The following MLXIPL variants were observed in gnomAD, a reference collection of about 807,000 sequenced individuals.
MLXIPL encodes carbohydrate-responsive element-binding protein.
MLXIPL carries 49 observed loss-of-function variants against 81.5 expected under a neutral mutation model. The ratio of observed to expected loss-of-function variants is 0.60; its 90% CI spans 0.48 to 0.76. The LOEUF is 0.76. Among genes scored for constraint, MLXIPL ranks in the 30% least tolerant of loss-of-function variants. MLXIPL has a pLI of 0.00. For missense variants in MLXIPL, 1,053 were observed against 1,167.0 expected, an observed-to-expected ratio of 0.90 and a Z score of 1.42; for synonymous variants, 466 against 485.5, an observed-to-expected ratio of 0.96 and a Z score of 0.53.
chr7:73,621,087 TAAG>T (rs1796318602), intron 1 of MLXIPL, among the ~76,000 whole-genome samples: 2 of 147,080 alleles, frequency 1.4e-5, no homozygotes, highest in South Asian at 2.1e-4. Flanking sequence ...AAATAAATAA[TAAG>T]AAGGAGAAGA....
At chr7:73,634,689 C>T in the MLXIPL span, among the ~76,000 whole-genome samples, 2 of 151,976 alleles carry the variant, frequency 1.3e-5, no homozygotes, top group African/African-American at 4.8e-5. Flanking sequence ...GCCACTGTGC[C>T]TGGCCAATAA....
chr7:73,635,676 C>T, the MLXIPL span, among the ~76,000 whole-genome samples: 1 of 151,512 alleles, frequency 6.6e-6, no homozygotes, highest in Non-Finnish European at 1.5e-5. Context: ...TCCATCCATC[C>T]ATCATCCATC....
chr7:73,607,209 G>T, intron 4 of MLXIPL, 122 bp downstream of exon 4: 1 of 1,262,498 alleles, frequency 7.9e-7, no homozygotes, highest in Non-Finnish European at 1.1e-6. Flanking sequence ...GGACTGAATG[G>T]AGGGCCCGAG....
At chr7:73,642,638 G>A in the MLXIPL span, among the ~76,000 whole-genome samples, 1 of 152,178 alleles carries the variant, frequency 6.6e-6, no homozygotes, top group Non-Finnish European at 1.5e-5. Flanking sequence ...TTACAGGCGT[G>A]AGCCACCATG....
At chr7:73,633,703 C>T in the MLXIPL span, among the ~76,000 whole-genome samples, 1 of 152,284 alleles carries the variant, frequency 6.6e-6, no homozygotes, top group Admixed American at 6.5e-5. Flanking sequence ...ATCCTCCTGC[C>T]TCAGCCTCCC....
chr7:73,618,901 C>G (rs1285598196), intron 1 of MLXIPL, among the ~76,000 whole-genome samples: 1 of 152,116 alleles, frequency 6.6e-6, no homozygotes, highest in Non-Finnish European at 1.5e-5. Context: ...AAGGTTATGA[C>G]GTTCATGGCC....
the MLXIPL span, among the ~76,000 whole-genome samples, chr7:73,632,743 TTTCCTTCCTTCC>T: frequency 0.015 from 2,073 of 133,920 alleles, 11 homozygotes; most frequent in Non-Finnish European, 0.018. Context: ...TCCTTCCTTC[TTTCCTTCCTTCC>T]TTCCTTCCTT....
the MLXIPL span, among the ~76,000 whole-genome samples, chr7:73,632,709 G>C: frequency 6.6e-6 from 1 of 151,870 alleles, no homozygotes; most frequent in Non-Finnish European, 1.5e-5. Flanking sequence ...CCTGTGGGAA[G>C]GAAAGTCTTC....
At chr7:73,642,663 A>T in the MLXIPL span, among the ~76,000 whole-genome samples, 42,100 of 151,232 alleles carry the variant, frequency 0.28, 6,012 homozygotes, top group African/African-American at 0.32. Flanking sequence ...GCCCTTTTTT[A>T]AATTTATTTA....
At chr7:73,643,536 A>G in the MLXIPL span, among the ~76,000 whole-genome samples, 2 of 151,252 alleles carry the variant, frequency 1.3e-5, no homozygotes, top group African/African-American at 4.8e-5. Context: ...AAAAAGAAAG[A>G]TTAGGACAGT....
chr7:73,596,888 GGGTGCTGGATACAAGT>G lies in MLXIPL; in HGVS notation c.1632_1647del (p.Leu545SerfsTer77). The G allele has an allele frequency of 6.2e-7, 1 of 1,611,414 alleles. No individual in the cohort carries two copies. Among genetic ancestry groups the G allele is most frequent in the East Asian group, 2.2e-5 (1 of 44,858 alleles). On this transcript the variant is annotated frameshift_variant, in exon 10 of 17. Transcript: ENST00000313375. LOFTEE classifies it high-confidence loss of function. This position sits in a 1 kb window ranked among gnomAD's most constrained non-coding sequence, Gnocchi z 4.7. ...ACCGGGGACCCTGGGGACCGGAGGA[GGGTGCTGGATACAAGT>G]GGTGGCTCCAGGGCTTGCTCCGGCT...
the MLXIPL span, among the ~76,000 whole-genome samples, chr7:73,642,589 C>A: frequency 6.6e-6 from 1 of 152,212 alleles, no homozygotes. Context: ...CTCCTGATCT[C>A]AGATGATCCA....
At chr7:73,628,918 C>T (rs1796794122), upstream of MLXIPL, among the ~76,000 whole-genome samples, 1 of 152,212 alleles carries the variant, frequency 6.6e-6, no homozygotes, top group African/African-American at 2.4e-5. Flanking sequence ...TCTTGGTCCT[C>T]AGGGCTCTTC....
At chr7:73,625,943 A>G (rs1162457335), upstream of MLXIPL, among the ~76,000 whole-genome samples, 2 of 152,114 alleles carry the variant, frequency 1.3e-5, no homozygotes, top group Non-Finnish European at 2.9e-5. Flanking sequence ...CCCTTCTCTC[A>G]CTGACACTGA....
chr7:73,594,227 C>G (rs1554592838), intron 16 of MLXIPL, 47 bp downstream of exon 16: 1 of 1,608,068 alleles, frequency 6.2e-7, no homozygotes. Context: ...GCTCCCTCCA[C>G]CCCCGAGGCT....
chr7:73,647,172 T>C, the MLXIPL span, among the ~76,000 whole-genome samples: 1 of 152,134 alleles, frequency 6.6e-6, no homozygotes, highest in South Asian at 2.1e-4. Context: ...AGCCCTGGCT[T>C]TCCCCCCTGG....
chr7:73,607,074 TC>T, intron 4 of MLXIPL, 56 bp from the exon 5 acceptor site: 1 of 1,592,174 alleles, frequency 6.3e-7, no homozygotes, highest in Non-Finnish European at 8.6e-7. Context: ...TCCATCACTT[TC>T]CCCCCAAAGT....
At chr7:73,594,238 G>A in intron 16 of MLXIPL, 36 bp downstream of exon 16, 2 of 1,609,798 alleles carry the variant, frequency 1.2e-6, no homozygotes, top group Non-Finnish European at 1.7e-6. Context: ...CCCCGAGGCT[G>A]GGTCCCTCTA....
At chr7:73,595,560 C>T in intron 15 of MLXIPL, 77 bp downstream of exon 15, 1 of 1,613,016 alleles carries the variant, frequency 6.2e-7, no homozygotes, top group Non-Finnish European at 8.5e-7. Context: ...AGAGCTAGGC[C>T]TCCATCCCAG....
Sources: allele counts gnomAD v4.1 joint callset (sites outside exome capture counted in the v4.1 genomes callset), GRCh38; gene constraint gnomAD v4.1.1; non-coding constraint Gnocchi (gnomAD v3.1); transcripts MANE v1.5; gene names NCBI Gene and HGNC (gene_info 2026-07-23, HGNC 2026-07-21).